The following UBE2D2 variants were observed in gnomAD, a reference collection of about 807,000 sequenced individuals.
UBE2D2 encodes the protein ubiquitin-conjugating enzyme E2 D2.
Under a neutral mutation model 24.2 loss-of-function variants are expected in UBE2D2, and 2 were observed. That is an observed-to-expected ratio of 0.08 (90% CI 0.03 to 0.26). UBE2D2 has a LOEUF of 0.26. Ranked by LOEUF, UBE2D2 falls within the 10% of genes least tolerant of loss-of-function variation. The pLI is 1.00. For synonymous variants in UBE2D2, 58 were observed against 56.5 expected (o/e 1.03, Z -0.12); for missense variants, 44 against 177.6 (o/e 0.25, Z 4.28).
chr5:139,625,320 G>T (rs1581537469), intron 6 of UBE2D2, among the ~76,000 whole-genome samples: 1 of 107,580 alleles, frequency 9.3e-6, no homozygotes, highest in Admixed American at 1.3e-4. Context: ...TCACTATGTT[G>T]CACAGGCTGG....
intron 1 of UBE2D2, among the ~76,000 whole-genome samples, chr5:139,545,250 G>A (rs539612796): frequency 6.6e-6 from 1 of 151,942 alleles, no homozygotes; most frequent in African/African-American, 2.4e-5. Flanking sequence ...ATTATTTTTA[G>A]ATATGATAGG....
Position 139,549,887 on chromosome 5 carries a change from A to C in UBE2D2, c.-64+23275A>C, listed in dbSNP as rs114309900. Among the ~76,000 whole-genome samples, 680 of 152,328 alleles carry C rather than the reference A, an allele frequency of 4.5e-3. 5 individuals are homozygous for C. Among genetic ancestry groups the C allele is most frequent in the Middle Eastern group, 0.01 (3 of 294 alleles). ...CCAATCAGCACTCTGTGTCTAGCTCAGGGTTCATGGATGCAGCAATCAGCA... is the reference window on the plus strand; with the variant it reads ...CCAATCAGCACTCTGTGTCTAGCTCCGGGTTCATGGATGCAGCAATCAGCA... On this transcript the variant is annotated intron_variant, in intron 1 of 6. Transcript: ENST00000511725.
chr5:139,541,885 C>T (rs1324218377), intron 1 of UBE2D2, among the ~76,000 whole-genome samples: 1 of 151,890 alleles, frequency 6.6e-6, no homozygotes, highest in East Asian at 1.9e-4. Flanking sequence ...AACCCTGTCT[C>T]TACTAAAAAT....
intron 2 of UBE2D2, among the ~76,000 whole-genome samples, chr5:139,602,548 C>T (rs1754102850): frequency 6.6e-6 from 1 of 152,002 alleles, no homozygotes. Context: ...CCTGGTGGTG[C>T]ATGCCTGTAG....
At chr5:139,531,623 TC>T (rs1310776807) in intron 1 of UBE2D2, among the ~76,000 whole-genome samples, 2 of 101,614 alleles carry the variant, frequency 2.0e-5, no homozygotes, top group Non-Finnish European at 4.2e-5. Flanking sequence ...TGAGACCCTA[TC>T]CAAAAAAAAA....
intron 1 of UBE2D2, among the ~76,000 whole-genome samples, chr5:139,538,074 T>C (rs953130149): frequency 6.6e-6 from 1 of 152,084 alleles, no homozygotes; most frequent in African/African-American, 2.4e-5. Context: ...CTCTTTCACC[T>C]TGGGCTGGAG....
intron 1 of UBE2D2, among the ~76,000 whole-genome samples, chr5:139,589,868 T>A (rs914677781): frequency 7.9e-5 from 12 of 151,926 alleles, no homozygotes; most frequent in Non-Finnish European, 1.5e-4. Context: ...CACTGCAAAC[T>A]CCGCCTCCTG....
intron 1 of UBE2D2, among the ~76,000 whole-genome samples, chr5:139,586,837 ATCT>A (rs1274883464): frequency 6.6e-6 from 1 of 152,230 alleles, no homozygotes; most frequent in Admixed American, 6.5e-5. Context: ...GGTAATCAGC[ATCT>A]TCTTTTGTTA....
At position 139,561,769 on chromosome 5, in the gene UBE2D2, G is replaced by A. The variant is rs1753104300; in HGVS notation, c.-23G>A. On this transcript the variant is annotated 5_prime_UTR_variant, in exon 1 of 7. Coordinates refer to ENST00000398733, the MANE Select transcript of UBE2D2 (RefSeq NM_003339.3). ...CCCCGCCCCCGTCCCCGCCCCGGGG[G>A]CCGCCGCCACCCGCCTCCCACCATG... 4 of 1,490,020 alleles carry A rather than the reference G, an allele frequency of 2.7e-6. No homozygotes were observed. Among genetic ancestry groups the A allele is most frequent in the Non-Finnish European group, 3.5e-6 (4 of 1,126,964 alleles). 92.3% of individuals were successfully genotyped at this position (1,490,020 alleles called of 1,614,324 possible).
intron 1 of UBE2D2, among the ~76,000 whole-genome samples, chr5:139,538,657 G>A (rs535964189): frequency 6.6e-6 from 1 of 152,072 alleles, no homozygotes; most frequent in South Asian, 2.1e-4. Flanking sequence ...GATCACCTGA[G>A]GTCAGGAGTT....
intron 1 of UBE2D2, among the ~76,000 whole-genome samples, chr5:139,584,295 A>G (rs1561510991): frequency 6.6e-6 from 1 of 152,166 alleles, no homozygotes; most frequent in South Asian, 2.1e-4. Flanking sequence ...CCTAGGAGCA[A>G]TAAGGCTGTA....
At chr5:139,623,550 C>A in intron 6 of UBE2D2, 89 bp downstream of exon 6, 5 of 1,076,764 alleles carry the variant, frequency 4.6e-6, no homozygotes, top group Non-Finnish European at 6.9e-6. Flanking sequence ...GAATATCGGC[C>A]AGATATTTAA....
At chr5:139,537,747 G>A (rs980565673) in intron 1 of UBE2D2, among the ~76,000 whole-genome samples, 9 of 151,746 alleles carry the variant, frequency 5.9e-5, no homozygotes, top group South Asian at 2.1e-4. Flanking sequence ...GGCGGATCAC[G>A]AGGTCAGGAG....
At chr5:139,586,330 A>G (rs975125884) in intron 1 of UBE2D2, among the ~76,000 whole-genome samples, 18 of 152,192 alleles carry the variant, frequency 1.2e-4, no homozygotes, top group African/African-American at 1.9e-4. Flanking sequence ...CTGACTTTAA[A>G]ACTGCTTTTC....
At chr5:139,566,909 C>A (rs942950756) in intron 1 of UBE2D2, among the ~76,000 whole-genome samples, 1 of 150,696 alleles carries the variant, frequency 6.6e-6, no homozygotes, top group African/African-American at 2.4e-5. Flanking sequence ...TTTTGGCAAC[C>A]GATTCAACTT....
At chr5:139,618,099 G>A (rs1189980747) in intron 5 of UBE2D2, among the ~76,000 whole-genome samples, 1 of 151,868 alleles carries the variant, frequency 6.6e-6, no homozygotes, top group Admixed American at 6.6e-5. Flanking sequence ...TCAGCCTTCT[G>A]AGCAGCTGGG....
At chr5:139,625,655 A>C (rs796994128) in intron 6 of UBE2D2, among the ~76,000 whole-genome samples, 2 of 151,452 alleles carry the variant, frequency 1.3e-5, no homozygotes, top group African/African-American at 4.8e-5. Context: ...GCCCAGGTGG[A>C]ATGCAGTGGC....
rs553695234 is a variant in UBE2D2 at position 139,571,355 on chromosome 5, C to T, written c.24+9540C>T. Among the ~76,000 whole-genome samples, 10 of 147,276 alleles carry T rather than the reference C, an allele frequency of 6.8e-5. 1 individual carries two copies. The highest frequency in any genetic ancestry group is 3.5e-4 in the Admixed American group (5 of 14,302). ...CCAAGAGGCGGAGGTTGCAGTGTGC[C>T]GAGGTCGTGCCACTGTACTCTAGTC... On this transcript the variant is annotated intron_variant, in intron 1 of 6. Transcript: ENST00000398733.
intron 1 of UBE2D2, among the ~76,000 whole-genome samples, chr5:139,550,859 C>G (rs1421911625): frequency 6.6e-6 from 1 of 152,136 alleles, no homozygotes; most frequent in African/African-American, 2.4e-5. Flanking sequence ...AGAACAAACT[C>G]CGGACATACC....
Sources: allele counts gnomAD v4.1 joint callset (sites outside exome capture counted in the v4.1 genomes callset), GRCh38; gene constraint gnomAD v4.1.1; transcripts MANE v1.5; gene names NCBI Gene and HGNC (gene_info 2026-07-23, HGNC 2026-07-21).